Variants in CEP162 observed in about 807,000 individuals in gnomAD.
CEP162 encodes the protein centrosomal protein 162.
CEP162 carries 141 observed loss-of-function variants against 169.2 expected under a neutral mutation model. The observed-to-expected ratio is 0.83, with a 90% CI of 0.73 to 0.96. The LOEUF is 0.96. Among genes scored for constraint, CEP162 ranks in the 40% least tolerant of loss-of-function variants. The probability of loss-of-function intolerance (pLI) is 0.00; values close to 1 mark genes in which losing one functional copy is unlikely to be tolerated. For missense variants in CEP162, 1,600 were observed against 1,587.2 expected, an observed-to-expected ratio of 1.01 and a Z score of -0.14; for synonymous variants, 540 against 526.4, an observed-to-expected ratio of 1.03 and a Z score of -0.35.
chr6:84,189,404 C>T (rs971754831), intron 11 of CEP162, among the ~76,000 whole-genome samples: 10 of 152,124 alleles, frequency 6.6e-5, no homozygotes, highest in Non-Finnish European at 1.2e-4. Flanking sequence ...CTGCGTGCGG[C>T]GCTTGCGGGC....
chr6:84,208,604 C>A (rs1013517168), intron 6 of CEP162, among the ~76,000 whole-genome samples: 1 of 152,186 alleles, frequency 6.6e-6, no homozygotes, highest in Non-Finnish European at 1.5e-5. Context: ...CCAGTGAGAT[C>A]TGGCTACAGA....
intron 16 of CEP162, among the ~76,000 whole-genome samples, chr6:84,171,923 T>C (rs2099530294): frequency 1.3e-5 from 2 of 152,158 alleles, no homozygotes; most frequent in South Asian, 4.1e-4. Context: ...ACATTTAAAA[T>C]GGCTAATTGA....
chr6:84,193,700 G>A lies in CEP162; in HGVS notation c.1028-10C>T. 1.3e-6 allele frequency: 2 copies of A among 1,525,748 alleles called. No homozygotes were observed. The highest frequency in any genetic ancestry group is 1.4e-5 in the African/African-American group (1 of 71,854). The allele number at this position is 1,525,748 out of a possible 1,614,324, so 94.5% of individuals were successfully genotyped here. A position where few individuals can be genotyped will look rare whatever the true frequency, so the allele number is the denominator to read the frequency against. ...TCTACTGTGGGCAGATCTAAGAGGTGGAAAAAAAAGTAGAAACGAAAAATG... is the reference window on the plus strand; with the variant it reads ...TCTACTGTGGGCAGATCTAAGAGGTAGAAAAAAAAGTAGAAACGAAAAATG... On this transcript the variant is annotated splice_polypyrimidine_tract_variant and intron_variant, in intron 10 of 26. Transcript: ENST00000403245.
chr6:84,178,921 T>C (rs999824766), intron 13 of CEP162, among the ~76,000 whole-genome samples: 1 of 152,208 alleles, frequency 6.6e-6, no homozygotes, highest in African/African-American at 2.4e-5. Context: ...TTTGGTTTTT[T>C]GTCCTTGCGA....
intron 9 of CEP162, among the ~76,000 whole-genome samples, chr6:84,195,866 C>G (rs974062781): frequency 6.6e-6 from 1 of 152,208 alleles, no homozygotes; most frequent in Admixed American, 6.5e-5. Context: ...ATGCTTATGA[C>G]TCCCAAATCT....
At chr6:84,173,904 C>T (rs1355111035) in intron 16 of CEP162, 144 bp downstream of exon 16, 50 of 559,380 alleles carry the variant, frequency 8.9e-5, no homozygotes, top group South Asian at 5.3e-5. Flanking sequence ...AGGCTGGTCT[C>T]GAACTCCTGA....
intron 2 of CEP162, among the ~76,000 whole-genome samples, chr6:84,225,883 T>G (rs1228423271): frequency 6.6e-6 from 1 of 152,002 alleles, no homozygotes; most frequent in South Asian, 2.1e-4. Context: ...GAGGGAACAG[T>G]GAGTGCAAAG....
intron 25 of CEP162, among the ~76,000 whole-genome samples, chr6:84,134,953 CACAT>C (rs1200238067): frequency 2.2e-4 from 29 of 129,654 alleles, no homozygotes; most frequent in East Asian, 8.0e-4. Flanking sequence ...CACACACACA[CACAT>C]ATATAGTGTT....
intron 13 of CEP162, among the ~76,000 whole-genome samples, chr6:84,178,281 T>C (rs886502169): frequency 1.3e-5 from 2 of 152,212 alleles, no homozygotes; most frequent in African/African-American, 4.8e-5. Flanking sequence ...TTTTAAGTCC[T>C]TATCTTTAAA....
chr6:84,187,312 G>C (rs913537499), intron 11 of CEP162, among the ~76,000 whole-genome samples: 10 of 152,124 alleles, frequency 6.6e-5, no homozygotes, highest in Non-Finnish European at 1.5e-4. Context: ...GGAACTGTTA[G>C]TCTTAAAATA....
chr6:84,155,395 T>G lies in CEP162; in HGVS notation c.2897A>C (p.Glu966Ala). The G allele has an allele frequency of 1.9e-6, 3 of 1,613,622 alleles. No homozygotes were observed. The highest frequency in any genetic ancestry group is 2.5e-6 in the Non-Finnish European group (3 of 1,179,654). The change falls in exon 22 of 27, where the codon GAG becomes GCG. Residue 966 changes from glutamate to alanine, a missense_variant. Coordinates refer to ENST00000403245, the MANE Select transcript of CEP162 (RefSeq NM_014895.4). ...TVDKNTVEFM[E>A]KRIKKLEADL... ...AGCTTCTAGCTTTTTTATCCTTTTC[T>G]CCATAAATTCCACTGTATTTTTATC...
chr6:84,134,085 G>A (rs184645126), intron 25 of CEP162, among the ~76,000 whole-genome samples: 38 of 152,296 alleles, frequency 2.5e-4, no homozygotes, highest in East Asian at 2.3e-3. Flanking sequence ...GAGGCATTCC[G>A]GCTATGGCGG....
At chr6:84,216,391 G>A (rs1217252975) in intron 3 of CEP162, among the ~76,000 whole-genome samples, 1 of 152,028 alleles carries the variant, frequency 6.6e-6, no homozygotes, top group Non-Finnish European at 1.5e-5. Flanking sequence ...AGAAGCCTTC[G>A]TTAGTGTAAA....
intron 3 of CEP162, chr6:84,219,200 T>G (rs58976638): frequency 7.9e-7 from 1 of 1,263,144 alleles, no homozygotes; most frequent in Non-Finnish European, 1.1e-6. Flanking sequence ...ACGTCTTGCC[T>G]TTTCATAATA....
intron 25 of CEP162, among the ~76,000 whole-genome samples, chr6:84,138,586 C>T (rs1260359284): frequency 6.6e-6 from 1 of 152,152 alleles, no homozygotes; most frequent in East Asian, 1.9e-4. Flanking sequence ...GTGTCATTAC[C>T]TTTACTCAGG....
chr6:84,147,323 A>G (rs9449805), intron 24 of CEP162, among the ~76,000 whole-genome samples: 13,184 of 152,156 alleles, frequency 0.087, 1,473 homozygotes, highest in African/African-American at 0.26. Context: ...TAGATACCAG[A>G]GATGGGAGTG....
chr6:84,204,839 A>G (rs527770361), intron 6 of CEP162, among the ~76,000 whole-genome samples: 1 of 152,284 alleles, frequency 6.6e-6, no homozygotes, highest in South Asian at 2.1e-4. Flanking sequence ...TAGCAAGACT[A>G]ATAAAGAAGA....
rs187417144 is a variant in CEP162 at position 84,161,662 on chromosome 6, G to A, written c.2676+84C>T. ...GTTCAGATCTTAATTAATTAATGATGCAATGACAAAAGGTTATGTACAACA... is the reference window on the plus strand; with the variant it reads ...GTTCAGATCTTAATTAATTAATGATACAATGACAAAAGGTTATGTACAACA... On this transcript the variant is annotated intron_variant, in intron 20 of 26. Coordinates refer to ENST00000403245, the MANE Select transcript of CEP162 (RefSeq NM_014895.4). 35 of 930,250 alleles carry A rather than the reference G, an allele frequency of 3.8e-5. No homozygotes were observed. The African/African-American group carries it at 4.6e-4, about 12-fold the overall frequency. 57.6% of individuals were successfully genotyped at this position (930,250 alleles called of 1,614,324 possible).
chr6:84,182,123 T>G (rs1243147731), intron 13 of CEP162, among the ~76,000 whole-genome samples: 2 of 152,054 alleles, frequency 1.3e-5, no homozygotes, highest in Non-Finnish European at 2.9e-5. Context: ...TAAAATATTT[T>G]GTCCATTTAT....
Sources: gnomAD v4.1 joint callset for allele counts (sites outside exome capture counted in the v4.1 genomes callset) on GRCh38, gnomAD v4.1.1 for gene constraint, MANE v1.5 for transcripts, NCBI Gene and HGNC (gene_info 2026-07-23, HGNC 2026-07-21) for gene names.